Variants in STK32C observed in about 807,000 individuals in gnomAD.
The protein encoded by STK32C is serine/threonine-protein kinase 32C.
A neutral mutation model predicts 56.5 loss-of-function variants in STK32C; 31 were observed. The ratio of observed to expected loss-of-function variants is 0.55; its 90% confidence interval spans 0.41 to 0.74. The LOEUF is 0.74. Among genes scored for constraint, STK32C ranks in the 30% least tolerant of loss-of-function variants. STK32C has a pLI of 0.00. For missense variants in STK32C, 544 were observed against 676.9 expected (o/e 0.80, Z 2.18); for synonymous variants, 309 against 289.4 (o/e 1.07, Z -0.69).
chr10:132,312,900 C>T (rs547520651), upstream of STK32C, among the ~76,000 whole-genome samples: 11 of 152,236 alleles, frequency 7.2e-5, no homozygotes, highest in African/African-American at 2.6e-4. Flanking sequence ...CTTAGCCAGG[C>T]GTGGTGGCAC....
In STK32C at chr10:132,208,286, T is replaced by C. The variant is rs1354445097; in HGVS notation, c.1320-135A>G. The C allele has an allele frequency of 8.2e-6, 9 of 1,094,670 alleles. No homozygotes were observed. In the Admixed American group the frequency reaches 3.4e-4, roughly 41 times the overall value. 67.8% of individuals were successfully genotyped at this position (1,094,670 alleles called of 1,614,324 possible). A position where few individuals can be genotyped will look rare whatever the true frequency, so the allele number is the denominator to read the frequency against. ...CGTGGGCCACAGGCTCGGTGTCTGCTGGAGAGGCCATGCTCCCGATACACT... is the reference window on the plus strand; with the variant it reads ...CGTGGGCCACAGGCTCGGTGTCTGCCGGAGAGGCCATGCTCCCGATACACT... On this transcript the variant is annotated intron_variant, in intron 11 of 11. Coordinates refer to ENST00000298630, the MANE Select transcript of STK32C (RefSeq NM_173575.4).
At chr10:132,270,293 T>A (rs1425216006) in intron 1 of STK32C, among the ~76,000 whole-genome samples, 1 of 152,246 alleles carries the variant, frequency 6.6e-6, no homozygotes, top group African/African-American at 2.4e-5. Context: ...TCCTGAATTA[T>A]CCAGGTGGGC....
chr10:132,235,860 G>A (rs1384132815), intron 2 of STK32C, among the ~76,000 whole-genome samples: 1 of 152,062 alleles, frequency 6.6e-6, no homozygotes, highest in Non-Finnish European at 1.5e-5. Flanking sequence ...TTCAGGTGTG[G>A]AAAAATACCG....
At chr10:132,324,227 C>G in exon 2 of STK32C, 1 of 779,642 alleles carries the variant, frequency 1.3e-6, no homozygotes, top group East Asian at 2.4e-5. Context: ...AATTCATTAA[C>G]AATTCATTAC....
chr10:132,330,624 C>A, intron 1 of STK32C: 1 of 672,662 alleles, frequency 1.5e-6, no homozygotes, highest in African/African-American at 1.8e-5. Context: ...CCTCTTGCCT[C>A]ACCCTCCCAC....
chr10:132,293,350 G>C (rs974975031), intron 1 of STK32C, among the ~76,000 whole-genome samples: 1 of 152,258 alleles, frequency 6.6e-6, no homozygotes, highest in South Asian at 2.1e-4. Context: ...TCAGGCCAGG[G>C]AAGGCAATTC....
chr10:132,283,368 TG>T (rs567843883), intron 1 of STK32C, among the ~76,000 whole-genome samples: 290 of 152,322 alleles, frequency 1.9e-3, no homozygotes, highest in Non-Finnish European at 3.6e-3. Context: ...GTGAAGGCGT[TG>T]GCAGAACGCA....
upstream of STK32C, chr10:132,331,851 C>G: frequency 6.9e-7 from 1 of 1,443,218 alleles, no homozygotes; most frequent in South Asian, 1.2e-5. Flanking sequence ...AAAACGGATG[C>G]TACCGTTGGC....
At chr10:132,252,053 A>C (rs2063929983) in intron 1 of STK32C, among the ~76,000 whole-genome samples, 3 of 152,246 alleles carry the variant, frequency 2.0e-5, no homozygotes, top group South Asian at 4.1e-4. Context: ...CCTCCCCCTC[A>C]CATCCCCATC....
At chr10:132,332,070 C>T (rs2066794938), upstream of STK32C, 2 of 280,674 alleles carry the variant, frequency 7.1e-6, no homozygotes, top group Admixed American at 5.5e-5. Flanking sequence ...CACGCACACC[C>T]CCGCGCGCAG....
Position 132,307,891 on chromosome 10 carries a change from C to G in STK32C, c.-58G>C. On this transcript the variant is annotated 5_prime_UTR_variant, in exon 1 of 12. Coordinates refer to ENST00000298630, the MANE Select transcript of STK32C (RefSeq NM_173575.4). The surrounding 1 kb of genome is among the most constrained non-coding windows in gnomAD (Gnocchi z 4.4). ...TCGGGGCATGGCCGGCCGGCAGGGC[C>G]GGGAGCGGCAGTGGTAGCGGGAGCG... The G allele has an allele frequency of 1.8e-6, 2 of 1,130,498 alleles. No individual in the cohort carries two copies. The highest frequency in any genetic ancestry group is 2.2e-6 in the Non-Finnish European group (2 of 918,054). The allele number at this position is 1,130,498 out of a possible 1,614,324, so 70.0% of individuals were successfully genotyped here.
chr10:132,322,499 A>G (rs1263141054), downstream of STK32C, among the ~76,000 whole-genome samples: 2 of 152,234 alleles, frequency 1.3e-5, no homozygotes, highest in Non-Finnish European at 2.9e-5. Flanking sequence ...TTAGCCTAAG[A>G]ACAAAGTAAA....
At chr10:132,295,050 C>G (rs1402359991) in intron 1 of STK32C, among the ~76,000 whole-genome samples, 1 of 152,224 alleles carries the variant, frequency 6.6e-6, no homozygotes, top group African/African-American at 2.4e-5. Context: ...CCCAGAGAAA[C>G]AGCCTCCAAA....
At chr10:132,259,078 G>T (rs145706054) in intron 1 of STK32C, among the ~76,000 whole-genome samples, 2 of 125,678 alleles carry the variant, frequency 1.6e-5, no homozygotes, top group Non-Finnish European at 3.2e-5. Flanking sequence ...ACAGGGCTGT[G>T]GCTTGGGAGG....
rs1476129161 is a variant in STK32C at position 132,272,350 on chromosome 10, C to T, written c.263-26395G>A. ...CGCGTGGTCTCGGACTTCCAGCCTC[C>T]GGATCTGTGAGAGTGCAAGCGGCTG... is the stretch of plus-strand genomic sequence containing the variant. On this transcript the variant is annotated intron_variant, in intron 1 of 11. Transcript: ENST00000298630. 1.1e-4 allele frequency among the ~76,000 whole-genome samples: 16 copies of T among 152,342 alleles called. 1 individual carries two copies. Among genetic ancestry groups the T allele is most frequent in the Admixed American group, 9.2e-4 (14 of 15,300 alleles).
rs370131641 is a variant in STK32C, at chr10:132,268,033, G to A, written c.263-22078C>T. Reference sequence around the variant, plus strand: ...TGTGCATGCATGTGTATGCATGTTCGGCTCTATGCCTGTCTGTGTGCCCAC... The same window carrying A: ...TGTGCATGCATGTGTATGCATGTTCAGCTCTATGCCTGTCTGTGTGCCCAC... On this transcript the variant is annotated intron_variant, in intron 1 of 11. Transcript: ENST00000298630. 8.0e-3 allele frequency among the ~76,000 whole-genome samples: 833 copies of A among 103,864 alleles called. 33 individuals carry two copies. Among genetic ancestry groups the A allele is most frequent in the African/African-American group, 0.026 (644 of 25,194 alleles). 68.1% of individuals were successfully genotyped at this position (103,864 alleles called of 152,430 possible).
In STK32C at chr10:132,307,487, G is replaced by T. The variant is rs1318449947; in HGVS notation, c.262+85C>A. 9 of 1,412,088 alleles carry T rather than the reference G, an allele frequency of 6.4e-6. No individual in the cohort carries two copies. Among genetic ancestry groups the T allele is most frequent in the Middle Eastern group, 2.6e-4 (1 of 3,810 alleles). The allele number at this position is 1,412,088 out of a possible 1,614,324, so 87.5% of individuals were successfully genotyped here. A position where few individuals can be genotyped will look rare whatever the true frequency, so the allele number is the denominator to read the frequency against. On this transcript the variant is annotated intron_variant, in intron 1 of 11. Coordinates refer to ENST00000298630, the MANE Select transcript of STK32C (RefSeq NM_173575.4). The surrounding 1 kb of genome is among the most constrained non-coding windows in gnomAD (Gnocchi z 4.4). ...CGGGAAGCCGTCCCGGACACCGGGG[G>T]AACCCCTGCGGGAAAAAGCCGCCCA...
chr10:132,232,477 G>C (rs1482031129), intron 2 of STK32C, among the ~76,000 whole-genome samples: 1 of 152,076 alleles, frequency 6.6e-6, no homozygotes, highest in African/African-American at 2.4e-5. Flanking sequence ...AGATCACGCA[G>C]AGCAGTGTTT....
intron 1 of STK32C, among the ~76,000 whole-genome samples, chr10:132,249,496 CT>C (rs1436625348): frequency 6.6e-6 from 1 of 152,156 alleles, no homozygotes; most frequent in Admixed American, 6.5e-5. Flanking sequence ...ACCAGCGCCC[CT>C]GAGAAGCCCC....
Sources: allele counts gnomAD v4.1 joint callset (sites outside exome capture counted in the v4.1 genomes callset), GRCh38; gene constraint gnomAD v4.1.1; non-coding constraint Gnocchi (gnomAD v3.1); transcripts MANE v1.5; gene names NCBI Gene and HGNC (gene_info 2026-07-23, HGNC 2026-07-21).